The following F7 variants were observed in gnomAD, a reference collection of about 807,000 sequenced individuals.
The protein encoded by F7 is FVII coagulation protein.
F7 carries 38 observed loss-of-function variants against 47.5 expected under a neutral mutation model. The observed-to-expected ratio is 0.80, with a 90% CI of 0.62 to 1.05. The LOEUF (loss-of-function observed/expected upper bound fraction) is 1.05. Among genes scored for constraint, F7 ranks in the 50% least tolerant of loss-of-function variants. The pLI, the probability that F7 is intolerant of heterozygous loss-of-function variation, is 0.00. For synonymous variants in F7, 244 were observed against 258.5 expected (o/e 0.94, Z 0.54); for missense variants, 575 against 605.4 (o/e 0.95, Z 0.53).
chr13:113,114,285 G>A (rs1227799205), intron 4 of F7, among the ~76,000 whole-genome samples: 1 of 151,922 alleles, frequency 6.6e-6, no homozygotes, highest in Non-Finnish European at 1.5e-5. Flanking sequence ...GGACCGCTTG[G>A]TAAACTTCCC....
At chr13:113,111,717 C>T (rs371544096) in intron 2 of F7, among the ~76,000 whole-genome samples, 13 of 34,120 alleles carry the variant, frequency 3.8e-4, no homozygotes, top group East Asian at 1.9e-3. Flanking sequence ...CACCTCACAC[C>T]CACAGGACAC....
At chr13:113,109,365 C>T (rs1296993440) in intron 1 of F7, among the ~76,000 whole-genome samples, 1 of 152,048 alleles carries the variant, frequency 6.6e-6, no homozygotes, top group African/African-American at 2.4e-5. Flanking sequence ...GTTCCCACCT[C>T]CTTGAGCCCG....
At position 113,118,994 on chromosome 13, in the gene F7, G is replaced by GC; in HGVS notation, c.1325dup (p.Phe443IlefsTer61). The GC allele has an allele frequency of 1.3e-6, 2 of 1,599,998 alleles. No individual in the cohort carries two copies. Among genetic ancestry groups the GC allele is most frequent in the Middle Eastern group, 1.7e-4 (1 of 6,058 alleles). On this transcript the variant is annotated frameshift_variant, in exon 8 of 8. Transcript: ENST00000346342. LOFTEE classifies it high-confidence loss of function. The stretch of plus-strand genomic sequence containing the variant: ...GCCACGCCCAGGAGTCCTCCTGCGA[G>GC]CCCCATTTCCCTAGCCCAGCAGCCC...
chr13:113,106,938 C>T lies in F7; in HGVS notation c.64+1033C>T, dbSNP rs1380898160. On this transcript the variant is annotated intron_variant, in intron 1 of 7. Coordinates refer to ENST00000346342, the MANE Select transcript of F7 (RefSeq NM_019616.4). ...GAGCAGGGACTGCCACTGGTTTTGTCCTGGGGCCCAGTGGGGGCCAACATC... is the reference window on the plus strand; with the variant it reads ...GAGCAGGGACTGCCACTGGTTTTGTTCTGGGGCCCAGTGGGGGCCAACATC... The T allele has an allele frequency of 1.9e-6, 3 of 1,585,514 alleles. No homozygotes were observed. The Admixed American group carries it at 5.3e-5, about 28-fold the overall frequency.
In F7 at chr13:113,113,661, C is replaced by T. The variant is rs1364620662; in HGVS notation, c.226-91C>T. The T allele has an allele frequency of 1.5e-6, 2 of 1,365,028 alleles. No homozygotes were observed. The highest frequency in any genetic ancestry group is 2.8e-5 in the African/African-American group (2 of 70,198). The allele number at this position is 1,365,028 out of a possible 1,614,324, so 84.6% of individuals were successfully genotyped here. A position where few individuals can be genotyped will look rare whatever the true frequency, so the allele number is the denominator to read the frequency against. Reference sequence around the variant, plus strand: ...ACCCCGCCAGACCCAGGTCCAAGTCCCCCAACCCCAGTTCATGGTGTGTCC... The same window carrying T: ...ACCCCGCCAGACCCAGGTCCAAGTCTCCCAACCCCAGTTCATGGTGTGTCC... On this transcript the variant is annotated intron_variant, in intron 2 of 7. Transcript: ENST00000346342. This position sits in a 1 kb window ranked among gnomAD's most constrained non-coding sequence, Gnocchi z 4.1.
At chr13:113,110,232 G>C (rs1012075485) in intron 1 of F7, 5 of 170,700 alleles carry the variant, frequency 2.9e-5, no homozygotes, top group African/African-American at 4.8e-5. Context: ...TGGGGAAGGC[G>C]GATCTGGCCG....
chr13:113,115,509 C>A, intron 4 of F7, 151 bp from the exon 5 acceptor site: 1 of 786,440 alleles, frequency 1.3e-6, no homozygotes, highest in Admixed American at 2.1e-5. Flanking sequence ...GTCCACGGAG[C>A]AGGTGGTGCC....
intron 7 of F7, among the ~76,000 whole-genome samples, chr13:113,118,089 G>A (rs968774542): frequency 4.6e-5 from 7 of 152,176 alleles, no homozygotes; most frequent in African/African-American, 1.7e-4. Flanking sequence ...TGGGTGAGAC[G>A]AGCACTCCCA....
chr13:113,118,665 C>A lies in F7; in HGVS notation c.992C>A (p.Thr331Lys), dbSNP rs759415146. The A allele has an allele frequency of 6.2e-7, 1 of 1,612,740 alleles. No individual in the cohort carries two copies. The highest frequency in any genetic ancestry group is 8.5e-7 in the Non-Finnish European group (1 of 1,179,896). Residue 331 changes from threonine to lysine, a missense_variant, in exon 8 of 8, where the codon ACG becomes AAG. Physicochemically the swap from Thr to Lys is moderately conservative, Grantham distance 78 (BLOSUM62 -1). Coordinates refer to ENST00000346342, the MANE Select transcript of F7 (RefSeq NM_019616.4). Reference sequence around the variant, plus strand: ...GGCCAGCTGCTGGACCGTGGCGCCACGGCCCTGGAGCTCATGGTCCTCAAC... The same window carrying A: ...GGCCAGCTGCTGGACCGTGGCGCCAAGGCCCTGGAGCTCATGGTCCTCAAC... ...GWGQLLDRGA[T>K]ALELMVLNVP...
chr13:113,105,913 C>T lies in F7; in HGVS notation c.64+8C>T, dbSNP rs10482844. The stretch of plus-strand genomic sequence containing the variant: ...AGGGCTGCCTGGCTGCAGGTGCGTC[C>T]GGGGAGGTTTTCTCCATAAACTTGG... On this transcript the variant is annotated splice_region_variant and intron_variant, in intron 1 of 7. Coordinates refer to ENST00000346342, the MANE Select transcript of F7 (RefSeq NM_019616.4). The T allele has an allele frequency of 1.8e-3, 2,901 of 1,581,356 alleles. 47 individuals are homozygous for T. In the African/African-American group the frequency reaches 0.034, roughly 19 times the overall value.
rs2036199457 is a variant in F7 at position 113,116,768 on chromosome 13, G to C, written c.508G>C (p.Glu170Gln). 6.2e-7 allele frequency: 1 copy of C among 1,608,856 alleles called. No individual in the cohort carries two copies. Among genetic ancestry groups the C allele is most frequent in the South Asian group, 1.1e-5 (1 of 90,970 alleles). The part of the protein sequence containing the change: ...ADGVSCTPTV[E>Q]YPCGKIPILE... ...TTTCTGACTTTTGTTTTACACAGTT[G>C]AATATCCATGTGGAAAAATACCTAT... Residue 170 changes from glutamate to glutamine, a missense_variant and splice_region_variant, in exon 6 of 8, where the codon GAA becomes CAA. Glu to Gln is a conservative substitution (Grantham distance 29, BLOSUM62 2). Coordinates refer to ENST00000346342, the MANE Select transcript of F7 (RefSeq NM_019616.4).
intron 1 of F7, chr13:113,106,942 G>A: frequency 6.3e-7 from 1 of 1,576,690 alleles, no homozygotes; most frequent in Non-Finnish European, 8.6e-7. Context: ...TTTTGTCCTG[G>A]GGCCCAGTGG....
At position 113,115,732 on chromosome 13, in the gene F7, C is replaced by A. The variant is rs977631643; in HGVS notation, c.437C>A (p.Thr146Asn). The change falls in exon 5 of 8, where the codon ACC (threonine) becomes AAC (asparagine). Residue 146 changes from threonine (T) to asparagine (N), a missense_variant. By Grantham distance (65) the Thr-to-Asn change is moderately conservative. Coordinates refer to ENST00000346342, the MANE Select transcript of F7 (RefSeq NM_019616.4). ...CEQYCSDHTGTKRSCRCHEGY... is the reference protein window; with the variant it reads ...CEQYCSDHTGNKRSCRCHEGY... The stretch of plus-strand genomic sequence containing the variant: ...CAGTACTGCAGTGACCACACGGGCA[C>A]CAAGCGCTCCTGTCGGTGCCACGAG... The A allele has an allele frequency of 2.5e-6, 4 of 1,613,022 alleles. No homozygotes were observed. In the African/African-American group the frequency reaches 5.3e-5, roughly 22 times the overall value.
chr13:113,117,918 G>A (rs2036225530), intron 7 of F7, among the ~76,000 whole-genome samples: 1 of 152,228 alleles, frequency 6.6e-6, no homozygotes, highest in South Asian at 2.1e-4. Context: ...CGACTGCTGT[G>A]GCCACCGTGC....
chr13:113,114,456 C>T (rs1460794864), intron 4 of F7: 1 of 198,666 alleles, frequency 5.0e-6, no homozygotes, highest in Non-Finnish European at 1.0e-5. Flanking sequence ...TCACAGGTAC[C>T]GTTTATTACA....
At chr13:113,108,394 G>A (rs1288886013) in intron 1 of F7, among the ~76,000 whole-genome samples, 6 of 80,200 alleles carry the variant, frequency 7.5e-5, no homozygotes, top group African/African-American at 2.2e-4. Context: ...TGGGTGTCCC[G>A]GGGGTGTGGG....
chr13:113,111,371 A>G (rs2036090648), intron 2 of F7, among the ~76,000 whole-genome samples: 2 of 149,548 alleles, frequency 1.3e-5, no homozygotes, highest in South Asian at 4.3e-4. Flanking sequence ...GACACCTCAC[A>G]CAGGGCACAC....
rs1009849734 is a variant in F7, at chr13:113,119,096, G to A, written c.*88G>A. 6.7e-6 allele frequency: 8 copies of A among 1,197,506 alleles called. No individual in the cohort carries two copies. The Admixed American group carries it at 1.5e-4, about 23-fold the overall frequency. The allele number at this position is 1,197,506 out of a possible 1,614,324, so 74.2% of individuals were successfully genotyped here. A position where few individuals can be genotyped will look rare whatever the true frequency, so the allele number is the denominator to read the frequency against. ...CCCATATATTCTTCTGCAGTTAATG[G>A]GGTAGAGGAGGGCATGGGAGGGAGG... On this transcript the variant is annotated 3_prime_UTR_variant, in exon 8 of 8. Transcript: ENST00000346342.
In F7 at chr13:113,113,942, G is replaced by A. The variant is rs1306079253; in HGVS notation, c.346G>A (p.Gly116Ser). ...YICFCLPAFEGRNCETHKDDQ... is the reference protein window; with the variant it reads ...YICFCLPAFESRNCETHKDDQ... ...CTGCTTCTGCCTCCCTGCCTTCGAGGGCCGGAACTGTGAGACGCGTAAGGC... is the reference window on the plus strand; with the variant it reads ...CTGCTTCTGCCTCCCTGCCTTCGAGAGCCGGAACTGTGAGACGCGTAAGGC... The change falls in exon 4 of 8, where the codon GGC becomes AGC. Residue 116 changes from glycine (G) to serine (S), a missense_variant. Transcript: ENST00000346342. This position sits in a 1 kb window ranked among gnomAD's most constrained non-coding sequence, Gnocchi z 4.1. 1 of 1,614,052 alleles carries A rather than the reference G, an allele frequency of 6.2e-7. No individual in the cohort carries two copies. Among genetic ancestry groups the A allele is most frequent in the East Asian group, 2.2e-5 (1 of 44,888 alleles).
Sources: allele counts gnomAD v4.1 joint callset (sites outside exome capture counted in the v4.1 genomes callset), GRCh38; gene constraint gnomAD v4.1.1; non-coding constraint Gnocchi (gnomAD v3.1); transcripts MANE v1.5; gene names NCBI Gene and HGNC (gene_info 2026-07-23, HGNC 2026-07-21).